Variants in TCEAL4 observed in about 807,000 individuals in gnomAD.
TCEAL4 encodes transcription elongation factor A protein-like 4.
Under a neutral mutation model 1.3 loss-of-function variants are expected in TCEAL4, and 1 was observed. The observed-to-expected ratio is 0.79, with a 90% CI of 0.28 to 3.76. The LOEUF (loss-of-function observed/expected upper bound fraction) is 3.76. TCEAL4 is among the 30% of genes most tolerant of loss of function. The probability of loss-of-function intolerance (pLI) is 0.18; values close to 1 mark genes in which losing one functional copy is unlikely to be tolerated. For missense variants in TCEAL4, 129 were observed against 154.7 expected (o/e 0.83, Z 0.88); for synonymous variants, 54 against 50.7 (o/e 1.06, Z -0.28).
chrX:103,584,237 A>G (rs1184886591), upstream of TCEAL4, among the ~76,000 whole-genome samples: 8 of 111,676 alleles, frequency 7.2e-5, no homozygotes, highest in African/African-American at 2.3e-4. Context: ...CGATATTTTT[A>G]TTTTTAAATA....
At chrX:103,585,645 C>A (rs373572799) in intron 1 of TCEAL4, 21 bp downstream of exon 1, 1 of 1,163,630 alleles carries the variant, frequency 8.6e-7, no homozygotes. Flanking sequence ...GGGCCTTCCA[C>A]GCTGCCAGCG....
chrX:103,578,182 AT>A (rs1342438293), intron 2 of TCEAL4, among the ~76,000 whole-genome samples: 1 of 112,048 alleles, frequency 8.9e-6, no homozygotes, highest in Non-Finnish European at 1.9e-5. Flanking sequence ...ACTTTGTTCC[AT>A]TTTTTTGCCA....
Position 103,586,665 on chromosome X carries a change from G to A in TCEAL4, c.-11G>A, listed in dbSNP as rs772187446. ...ATCCCCCAGGACAGGAAAAGGAGGGGAAATCTCGACATGGAAAAACTCTAC... is the reference window on the plus strand; with the variant it reads ...ATCCCCCAGGACAGGAAAAGGAGGGAAAATCTCGACATGGAAAAACTCTAC... On this transcript the variant is annotated 5_prime_UTR_variant, in exon 3 of 3. Coordinates refer to ENST00000472484, the MANE Select transcript of TCEAL4 (RefSeq NM_001006935.3). 5.8e-6 allele frequency: 7 copies of A among 1,207,164 alleles called. No individual in the cohort carries two copies. In the East Asian group the frequency reaches 2.1e-4, roughly 36 times the overall value.
At chrX:103,579,242 CT>C (rs913270442) in intron 2 of TCEAL4, among the ~76,000 whole-genome samples, 1 of 111,404 alleles carries the variant, frequency 9.0e-6, no homozygotes, top group African/African-American at 3.3e-5. Context: ...CAATGTTTTC[CT>C]TTTTTTTAAA....
chrX:103,583,934 A>AT (rs562711558), upstream of TCEAL4, among the ~76,000 whole-genome samples: 186 of 108,358 alleles, frequency 1.7e-3, no homozygotes, highest in African/African-American at 5.1e-3. Context: ...TCAAATATTA[A>AT]TTTTTTTTTT....
intron 2 of TCEAL4, 25 bp downstream of exon 2, chrX:103,586,316 G>T: frequency 8.6e-7 from 1 of 1,164,758 alleles, no homozygotes; most frequent in Non-Finnish European, 1.1e-6. Flanking sequence ...GGGGCTGCAT[G>T]GACAGGGGCC....
At position 103,585,548 on chromosome X, in the gene TCEAL4, C is replaced by G; in HGVS notation, c.-177C>G. 8.6e-7 allele frequency: 1 copy of G among 1,160,964 alleles called. No homozygotes were observed. Among genetic ancestry groups the G allele is most frequent in the East Asian group, 3.3e-5 (1 of 30,586 alleles). On this transcript the variant is annotated 5_prime_UTR_variant, in exon 1 of 3. Coordinates refer to ENST00000472484, the MANE Select transcript of TCEAL4 (RefSeq NM_001006935.3). ...GCAGATGTAGGCACCGGTCCGAGTG[C>G]CTGCCCTCTGTCCCCGCGGCTGGGT...
chrX:103,576,381 C>A (rs774341932), exon 1 of TCEAL4: 2 of 1,117,315 alleles, frequency 1.8e-6, no homozygotes, highest in African/African-American at 3.7e-5. Flanking sequence ...TGCTGCATAA[C>A]AAATTACTCC....
At chrX:103,582,235 G>A (rs2073511667), upstream of TCEAL4, among the ~76,000 whole-genome samples, 1 of 111,181 alleles carries the variant, frequency 9.0e-6, no homozygotes, top group African/African-American at 3.3e-5. Flanking sequence ...ACTAATAAAG[G>A]AAATCAGAGA....
chrX:103,578,281 T>C (rs776338872), intron 2 of TCEAL4, among the ~76,000 whole-genome samples: 1 of 112,296 alleles, frequency 8.9e-6, no homozygotes, highest in Admixed American at 9.4e-5. Flanking sequence ...TTTCTAACTA[T>C]AATGAATAAT....
intron 1 of TCEAL4, chrX:103,586,008 C>T: frequency 9.3e-7 from 1 of 1,078,776 alleles, no homozygotes; most frequent in Non-Finnish European, 1.2e-6. Context: ...GGAGAGTTGC[C>T]TCTGAGGAAG....
intron 1 of TCEAL4, 99 bp from the exon 2 acceptor site, chrX:103,586,120 A>G (rs2073543208): frequency 3.0e-5 from 33 of 1,114,058 alleles, no homozygotes; most frequent in Admixed American, 1.6e-4. Flanking sequence ...AGGGGAGGAA[A>G]ACGTTGGATG....
In TCEAL4 at chrX:103,587,367, G is replaced by A. The variant is rs2073567326; in HGVS notation, c.*44G>A. On this transcript the variant is annotated 3_prime_UTR_variant, in exon 3 of 3. Coordinates refer to ENST00000472484, the MANE Select transcript of TCEAL4 (RefSeq NM_001006935.3). ...ACCAGGCCATGTGCTTTAACGTTAC[G>A]GTAATACTTTACTTTAGGCATCCCT... 5 of 1,132,936 alleles carry A rather than the reference G, an allele frequency of 4.4e-6. No individual in the cohort carries two copies. The highest frequency in any genetic ancestry group is 5.8e-6 in the Non-Finnish European group (5 of 858,172). 93.4% of individuals were successfully genotyped at this position (1,132,936 alleles called of 1,213,427 possible). A position where few individuals can be genotyped will look rare whatever the true frequency, so the allele number is the denominator to read the frequency against.
upstream of TCEAL4, among the ~76,000 whole-genome samples, chrX:103,585,315 C>G (rs181499914): frequency 8.4e-4 from 84 of 99,887 alleles, no homozygotes; most frequent in Non-Finnish European, 1.6e-3. Context: ...TCTTCTGGAC[C>G]GCCCAACTCA....
At chrX:103,584,115 A>G (rs149590343), upstream of TCEAL4, among the ~76,000 whole-genome samples, 879 of 110,156 alleles carry the variant, frequency 8.0e-3, 11 homozygotes, top group African/African-American at 0.027. Context: ...TTTAGTAGAG[A>G]TGGGGTTTCA....
At chrX:103,577,284 C>T in intron 2 of TCEAL4, 1 of 1,073,596 alleles carries the variant, frequency 9.3e-7, no homozygotes, top group Non-Finnish European at 1.3e-6. Flanking sequence ...AAGTATGGAA[C>T]ATTTCTAATG....
intron 1 of TCEAL4, among the ~76,000 whole-genome samples, chrX:103,576,877 T>C (rs2073486160): frequency 8.9e-6 from 1 of 112,329 alleles, no homozygotes; most frequent in African/African-American, 3.2e-5. Context: ...TGCTGGCTTT[T>C]GGATTACAAC....
chrX:103,581,377 C>T (rs752747732), upstream of TCEAL4, among the ~76,000 whole-genome samples: 3 of 111,409 alleles, frequency 2.7e-5, no homozygotes, highest in South Asian at 1.2e-3. Flanking sequence ...AAGACTCCTC[C>T]TTAATTCATA....
exon 2 of TCEAL4, chrX:103,577,094 G>A (rs1041334657): frequency 8.6e-7 from 1 of 1,166,307 alleles, no homozygotes; most frequent in African/African-American, 1.8e-5. Context: ...ATAGTCGCAG[G>A]GCCTCCCAAA....
Sources: gnomAD v4.1 joint callset for allele counts (sites outside exome capture counted in the v4.1 genomes callset) on GRCh38, gnomAD v4.1.1 for gene constraint, MANE v1.5 for transcripts, NCBI Gene and HGNC (gene_info 2026-07-23, HGNC 2026-07-21) for gene names.